OLFML2A: variants seen among roughly 807,000 people sequenced by gnomAD.
OLFML2A encodes olfactomedin-like protein 2A.
OLFML2A carries 47 observed loss-of-function variants against 60.9 expected under a neutral mutation model. The observed-to-expected ratio is 0.77, with a 90% CI of 0.61 to 0.98. The LOEUF is 0.98. Ranked by LOEUF, OLFML2A falls within the 50% of genes least tolerant of loss-of-function variation. The pLI, the probability that OLFML2A is intolerant of heterozygous loss-of-function variation, is 0.00. For missense variants in OLFML2A, 922 were observed against 879.8 expected, an observed-to-expected ratio of 1.05 and a Z score of -0.61; for synonymous variants, 372 against 375.0, an observed-to-expected ratio of 0.99 and a Z score of 0.09.
intron 2 of OLFML2A, among the ~76,000 whole-genome samples, chr9:124,790,830 G>A (rs766607081): frequency 3.4e-4 from 52 of 152,102 alleles, no homozygotes; most frequent in South Asian, 1.2e-3. Flanking sequence ...CAAGGAAGGA[G>A]GTTAAGGGGA....
chr9:124,809,778 G>T (rs780108961), intron 7 of OLFML2A, 30 bp from the exon 8 acceptor site: 1 of 1,570,754 alleles, frequency 6.4e-7, no homozygotes, highest in African/African-American at 1.3e-5. Context: ...TGCTCGGGAG[G>T]TCTGGGGTGA....
chr9:124,803,146 T>G (rs1841814818), intron 5 of OLFML2A, among the ~76,000 whole-genome samples: 1 of 152,078 alleles, frequency 6.6e-6, no homozygotes, highest in African/African-American at 2.4e-5. Flanking sequence ...TGACCTCAGG[T>G]GATCCATCCA....
At chr9:124,803,777 A>C (rs988845886) in intron 5 of OLFML2A, among the ~76,000 whole-genome samples, 6 of 152,188 alleles carry the variant, frequency 3.9e-5, no homozygotes, top group Non-Finnish European at 8.8e-5. Context: ...ATCTGTGCAA[A>C]TGTTTATGTA....
At chr9:124,792,783 G>A (rs960372859) in intron 2 of OLFML2A, among the ~76,000 whole-genome samples, 13 of 152,230 alleles carry the variant, frequency 8.5e-5, no homozygotes, top group Non-Finnish European at 1.6e-4. Context: ...TGTCCACACA[G>A]TGCTGAGCTC....
Position 124,777,483 on chromosome 9 carries a change from C to A in OLFML2A, c.90+123C>A. ...GCGGAGGAGCCGGGAGCTGAGAGACCGAACCTGGGACTTCTCAGCACTGAA... is the reference window on the plus strand; with the variant it reads ...GCGGAGGAGCCGGGAGCTGAGAGACAGAACCTGGGACTTCTCAGCACTGAA... On this transcript the variant is annotated intron_variant, in intron 1 of 7. Transcript: ENST00000373580. This position sits in a 1 kb window ranked among gnomAD's most constrained non-coding sequence, Gnocchi z 6.2. 7.7e-6 allele frequency: 8 copies of A among 1,032,298 alleles called. No homozygotes were observed. Among genetic ancestry groups the A allele is most frequent in the Non-Finnish European group, 8.6e-6 (7 of 813,638 alleles). 63.9% of individuals were successfully genotyped at this position (1,032,298 alleles called of 1,614,324 possible). A position where few individuals can be genotyped will look rare whatever the true frequency, so the allele number is the denominator to read the frequency against.
Position 124,786,715 on chromosome 9 carries a change from C to T in OLFML2A, c.91-260C>T, listed in dbSNP as rs1233952607. On this transcript the variant is annotated intron_variant, in intron 1 of 7. Transcript: ENST00000373580. ...CAGCCTGGGCGACAGAGCAAGACTC[C>T]GTCTCAAAAAAAAAAAATACACGCA... Among the ~76,000 whole-genome samples the T allele has an allele frequency of 1.1e-4, 16 of 144,342 alleles. No homozygotes were observed. The East Asian group carries it at 2.3e-3, about 21-fold the overall frequency. The allele number at this position is 144,342 out of a possible 152,430, so 94.7% of individuals were successfully genotyped here.
chr9:124,780,475 G>T (rs942141873), intron 1 of OLFML2A, among the ~76,000 whole-genome samples: 7 of 152,194 alleles, frequency 4.6e-5, no homozygotes, highest in Non-Finnish European at 2.9e-5. Flanking sequence ...AGGCGGTGGT[G>T]TCCGGGGCTG....
intron 1 of OLFML2A, among the ~76,000 whole-genome samples, chr9:124,784,943 G>GTTTTTTTTGTTTTT (rs1841429970): frequency 1.4e-5 from 1 of 69,542 alleles, no homozygotes; most frequent in African/African-American, 6.5e-5. Flanking sequence ...CCTTTTACTT[G>GTTTTTTTTGTTTTT]TTTTTTTTTT....
intron 1 of OLFML2A, among the ~76,000 whole-genome samples, chr9:124,782,444 G>C (rs189263758): frequency 2.0e-5 from 3 of 152,224 alleles, no homozygotes; most frequent in Non-Finnish European, 4.4e-5. Context: ...GCCATGCCGA[G>C]GCCCTGCATG....
At chr9:124,786,837 A>G in intron 1 of OLFML2A, 138 bp from the exon 2 acceptor site, 1 of 749,224 alleles carries the variant, frequency 1.3e-6, no homozygotes, top group East Asian at 2.5e-5. Flanking sequence ...ACCACCTCTA[A>G]TTGCACCCCC....
chr9:124,782,432 G>T (rs759589608), intron 1 of OLFML2A, among the ~76,000 whole-genome samples: 2 of 152,222 alleles, frequency 1.3e-5, no homozygotes, highest in Non-Finnish European at 2.9e-5. Flanking sequence ...TCTGTGCCAG[G>T]TGCCATGCCG....
chr9:124,778,720 C>G (rs1841306282), intron 1 of OLFML2A, among the ~76,000 whole-genome samples: 1 of 151,986 alleles, frequency 6.6e-6, no homozygotes. Context: ...TCGCTTGAAC[C>G]CAGCAGGCGG....
intron 6 of OLFML2A, among the ~76,000 whole-genome samples, chr9:124,805,505 T>C (rs981673620): frequency 6.6e-6 from 1 of 152,068 alleles, no homozygotes; most frequent in African/African-American, 2.4e-5. Flanking sequence ...AAAAACAGGA[T>C]ACATAAAACT....
In OLFML2A at chr9:124,810,640, C is replaced by A. The variant is rs879375208; in HGVS notation, c.*228C>A. ...TTCCCACACACTTACCCGTTTGATTCTCCTAGCACCTCCCTTGGAGGTAGA... is the reference window on the plus strand; with the variant it reads ...TTCCCACACACTTACCCGTTTGATTATCCTAGCACCTCCCTTGGAGGTAGA... On this transcript the variant is annotated 3_prime_UTR_variant, in exon 8 of 8. Coordinates refer to ENST00000373580, the MANE Select transcript of OLFML2A (RefSeq NM_182487.4). The A allele has an allele frequency of 1.2e-5, 7 of 575,332 alleles. No homozygotes were observed. The highest frequency in any genetic ancestry group is 2.2e-5 in the Non-Finnish European group (7 of 323,332). The allele number at this position is 575,332 out of a possible 1,614,324, so 35.6% of individuals were successfully genotyped here. A position where few individuals can be genotyped will look rare whatever the true frequency, so the allele number is the denominator to read the frequency against.
At chr9:124,795,316 C>T (rs1841649114) in intron 3 of OLFML2A, among the ~76,000 whole-genome samples, 185 bp downstream of exon 3, 1 of 152,222 alleles carries the variant, frequency 6.6e-6, no homozygotes, top group Non-Finnish European at 1.5e-5. Flanking sequence ...GTCTAACTGG[C>T]TCAAGGGCCT....
At chr9:124,791,768 T>G (rs1282184556) in intron 2 of OLFML2A, among the ~76,000 whole-genome samples, 1 of 137,652 alleles carries the variant, frequency 7.3e-6, no homozygotes, top group African/African-American at 2.7e-5. Flanking sequence ...AAGAAAGAAA[T>G]GAAACAAAGC....
At chr9:124,809,723 ACTGAGAGCC>A in intron 7 of OLFML2A, 76 bp from the exon 8 acceptor site, 1 of 1,482,222 alleles carries the variant, frequency 6.7e-7, no homozygotes, top group Non-Finnish European at 9.1e-7. Context: ...TTACTGGGCC[ACTGAGAGCC>A]CTTGGTGGGC....
chr9:124,778,025 A>G (rs946657930), intron 1 of OLFML2A, among the ~76,000 whole-genome samples: 2 of 152,154 alleles, frequency 1.3e-5, no homozygotes, highest in Admixed American at 6.5e-5. Context: ...CACTTCCTGC[A>G]GTTGATGGTC....
At position 124,803,978 on chromosome 9, in the gene OLFML2A, A is replaced by G. The variant is rs1039889151; in HGVS notation, c.920-116A>G. On this transcript the variant is annotated intron_variant, in intron 5 of 7. Transcript: ENST00000373580. ...CTCCAGGTGTGAGGAGGCCCTGAGG[A>G]GGCCTCCCCCTCCACTCCCTGAGGG... 7 of 1,127,336 alleles carry G rather than the reference A, an allele frequency of 6.2e-6. No homozygotes were observed. The African/African-American group carries it at 9.4e-5, about 15-fold the overall frequency. The allele number at this position is 1,127,336 out of a possible 1,614,324, so 69.8% of individuals were successfully genotyped here.
Sources: gnomAD v4.1 joint callset for allele counts (sites outside exome capture counted in the v4.1 genomes callset) on GRCh38, gnomAD v4.1.1 for gene constraint, Gnocchi (gnomAD v3.1) non-coding constraint, MANE v1.5 for transcripts, NCBI Gene and HGNC (gene_info 2026-07-23, HGNC 2026-07-21) for gene names.